MAGI2: variants seen among roughly 807,000 people sequenced by gnomAD.
MAGI2 encodes the protein membrane associated guanylate kinase, WW and PDZ domain containing 2.
MAGI2 carries 35 observed loss-of-function variants against 133.3 expected under a neutral mutation model. The observed-to-expected ratio is 0.26, with a 90% CI of 0.20 to 0.35. MAGI2 has a LOEUF of 0.35. Ranked by LOEUF, MAGI2 falls within the 10% of genes least tolerant of loss-of-function variation. MAGI2 has a pLI of 1.00. For synonymous variants in MAGI2, 729 were observed against 710.6 expected (o/e 1.03, Z -0.41); for missense variants, 1,636 against 1,863.4 (o/e 0.88, Z 2.25).
intron 3 of MAGI2, among the ~76,000 whole-genome samples, chr7:78,596,407 G>A (rs923323921): frequency 6.6e-6 from 1 of 152,098 alleles, no homozygotes; most frequent in African/African-American, 2.4e-5. Flanking sequence ...CAGTCCTCTG[G>A]CCCCAAGAGC....
chr7:79,437,498 T>C (rs2129193046), intron 1 of MAGI2, among the ~76,000 whole-genome samples: 1 of 152,238 alleles, frequency 6.6e-6, no homozygotes, highest in Admixed American at 6.5e-5. Flanking sequence ...ATATATGTTC[T>C]CACTATTGCC....
rs546254283 is a variant in MAGI2, at chr7:78,349,244, T to G, written c.1104-3201A>C. ...TCTAATACAGTGAATGGAAAATAGC[T>G]TTTCTTGTTAAATGACTAAATGATG... On this transcript the variant is annotated intron_variant, in intron 7 of 21. Transcript: ENST00000354212. Among the ~76,000 whole-genome samples, 14 of 152,328 alleles carry G rather than the reference T, an allele frequency of 9.2e-5. 2 individuals carry two copies. In the South Asian group the frequency reaches 2.9e-3, roughly 32 times the overall value.
Position 79,230,047 on chromosome 7 carries a change from GT to G in MAGI2, c.302-222842del, listed in dbSNP as rs1242628252. ...TATGAGTGAGAATATGCGGTGTTTGGTTTTTTGTTCTTGCGATAGTTTACTG... is the reference window on the plus strand; with the variant it reads ...TATGAGTGAGAATATGCGGTGTTTGGTTTTTGTTCTTGCGATAGTTTACTG... On this transcript the variant is annotated intron_variant, in intron 1 of 21. Transcript: ENST00000354212. Among the ~76,000 whole-genome samples, 15 of 147,502 alleles carry G rather than the reference GT, an allele frequency of 1.0e-4. No individual in the cohort carries two copies. The East Asian group carries it at 2.9e-3, about 28-fold the overall frequency.
At chr7:79,268,037 T>C (rs1000522548) in intron 1 of MAGI2, among the ~76,000 whole-genome samples, 8 of 152,174 alleles carry the variant, frequency 5.3e-5, no homozygotes, top group African/African-American at 1.9e-4. Flanking sequence ...TGGTCAATGA[T>C]ATTTCAGGGA....
In MAGI2 at chr7:79,137,161, C is replaced by A. The variant is rs188146365; in HGVS notation, c.302-129955G>T. On this transcript the variant is annotated intron_variant, in intron 1 of 21. Transcript: ENST00000354212. ...TATGTGGTGGGAAAGGACTTCCCTG[C>A]TAGAAGAAACCTCCAAACCCGTAAG... 7.5e-3 allele frequency among the ~76,000 whole-genome samples: 1,146 copies of A among 152,062 alleles called. 11 individuals carry two copies. Among genetic ancestry groups the A allele is most frequent in the Non-Finnish European group, 0.012 (800 of 68,000 alleles).
At chr7:79,316,504 T>A (rs899478831) in intron 1 of MAGI2, among the ~76,000 whole-genome samples, 76 of 152,332 alleles carry the variant, frequency 5.0e-4, no homozygotes, top group African/African-American at 1.8e-3. Flanking sequence ...CATACGCACA[T>A]ACATATGCAT....
At chr7:79,050,049 T>C (rs757287621) in intron 1 of MAGI2, among the ~76,000 whole-genome samples, 1 of 152,150 alleles carries the variant, frequency 6.6e-6, no homozygotes, top group East Asian at 1.9e-4. Context: ...CCATGAAGCT[T>C]TGGTTGAAAT....
chr7:79,039,714 G>C (rs1020783161), intron 1 of MAGI2, among the ~76,000 whole-genome samples: 6 of 151,340 alleles, frequency 4.0e-5, no homozygotes, highest in Non-Finnish European at 8.8e-5. Context: ...GGGTGCAGTG[G>C]CTCACATCTG....
At chr7:78,767,922 G>C (rs1339111630) in intron 2 of MAGI2, among the ~76,000 whole-genome samples, 1 of 152,092 alleles carries the variant, frequency 6.6e-6, no homozygotes, top group Non-Finnish European at 1.5e-5. Flanking sequence ...ATGTTGTTCA[G>C]GTAGCACATA....
chr7:78,847,741 C>G (rs887817342), intron 2 of MAGI2, among the ~76,000 whole-genome samples: 1 of 151,740 alleles, frequency 6.6e-6, no homozygotes, highest in African/African-American at 2.4e-5. Context: ...AAAATGGCAC[C>G]CTGTGTCATT....
chr7:79,184,120 T>C (rs1487890259), intron 1 of MAGI2, among the ~76,000 whole-genome samples: 1 of 151,670 alleles, frequency 6.6e-6, no homozygotes, highest in Admixed American at 6.6e-5. Context: ...TATTTCAAAA[T>C]TGCTAAAAGA....
chr7:78,018,086 A>G lies in MAGI2; in HGVS notation c.*1229T>C, dbSNP rs543844902. ...GACTTAGAATTTTACTAGGAGGTCA[A>G]TCATAGATCCATGAAGATAAACATC... On this transcript the variant is annotated 3_prime_UTR_variant, in exon 22 of 22. Transcript: ENST00000354212. 4.6e-5 allele frequency: 7 copies of G among 152,368 alleles called. No individual in the cohort carries two copies. In the East Asian group the frequency reaches 1.3e-3, roughly 29 times the overall value. The allele number at this position is 152,368 out of a possible 1,614,324, so 9.4% of individuals were successfully genotyped here.
intron 2 of MAGI2, among the ~76,000 whole-genome samples, chr7:78,909,304 C>T (rs1377966742): frequency 2.0e-5 from 3 of 151,526 alleles, no homozygotes; most frequent in Non-Finnish European, 4.4e-5. Flanking sequence ...ATTAAAAAGT[C>T]AAGAAACGGC....
intron 1 of MAGI2, among the ~76,000 whole-genome samples, chr7:79,070,641 A>G (rs948579978): frequency 3.3e-5 from 5 of 151,516 alleles, no homozygotes; most frequent in African/African-American, 9.7e-5. Flanking sequence ...ACAGGCGCCC[A>G]CCACCACACC....
intron 2 of MAGI2, among the ~76,000 whole-genome samples, chr7:78,695,658 T>C (rs960389883): frequency 6.6e-5 from 10 of 152,152 alleles, no homozygotes; most frequent in Non-Finnish European, 1.3e-4. Context: ...TAACTTGGTA[T>C]TTAAAAAAGA....
intron 1 of MAGI2, among the ~76,000 whole-genome samples, chr7:79,136,068 GGAAAGAAAGAAAGAAAGAAAGAAAGAAA>G (rs368094018): frequency 2.5e-4 from 24 of 94,660 alleles, no homozygotes; most frequent in South Asian, 1.1e-3. Context: ...AAAGAAAGAA[GGAAAGAAAGAAAGAAAGAAAGAAAGAAA>G]GAAAGAAAGA....
chr7:78,506,627 A>G (rs1034289429), intron 4 of MAGI2, among the ~76,000 whole-genome samples: 1 of 152,232 alleles, frequency 6.6e-6, no homozygotes, highest in African/African-American at 2.4e-5. Context: ...AAGGGTGTTG[A>G]AGACAAGACA....
chr7:79,131,729 A>G (rs2129545390), intron 1 of MAGI2, among the ~76,000 whole-genome samples: 1 of 152,310 alleles, frequency 6.6e-6, no homozygotes, highest in East Asian at 1.9e-4. Context: ...GTATTGTAGC[A>G]TGTCTTTCGT....
intron 1 of MAGI2, among the ~76,000 whole-genome samples, chr7:79,239,163 T>A (rs1271679519): frequency 6.6e-6 from 1 of 152,172 alleles, no homozygotes; most frequent in Non-Finnish European, 1.5e-5. Context: ...GAACATAAAA[T>A]TGTATTAATG....
Sources: gnomAD v4.1 joint callset for allele counts (sites outside exome capture counted in the v4.1 genomes callset) on GRCh38, gnomAD v4.1.1 for gene constraint, MANE v1.5 for transcripts, NCBI Gene and HGNC (gene_info 2026-07-23, HGNC 2026-07-21) for gene names.